Variants in GATD1 observed in about 807,000 individuals in gnomAD.
GATD1 encodes glutamine amidotransferase-like class 1 domain-containing protein 1.
In GATD1, 23 loss-of-function variants were observed where a neutral mutation model predicts 25.9. That is an observed-to-expected ratio of 0.89 (90% confidence interval 0.64 to 1.26). The LOEUF (loss-of-function observed/expected upper bound fraction) is 1.26, where lower values mean the gene tolerates loss of function less well. Ranked by LOEUF, GATD1 falls within the 50% of genes most tolerant of loss-of-function variation. GATD1 has a pLI of 0.00. For missense variants in GATD1, 347 were observed against 312.5 expected, an observed-to-expected ratio of 1.11 and a Z score of -0.83; for synonymous variants, 177 against 134.6, an observed-to-expected ratio of 1.31 and a Z score of -2.18.
At position 773,582 on chromosome 11, in the gene GATD1, T is replaced by C; in HGVS notation, c.295A>G (p.Thr99Ala). ...AGGGAGCCACTGCTGGCCAGGTCGG[T>C]CAGGGCCCCAGGACAGCTGGGGATC... ...LLIPSCPGAL[T>A]DLASSGSLAR... The change falls in exon 4 of 8, where the codon ACC (threonine) becomes GCC (alanine). Residue 99 changes from threonine (T) to alanine (A), a missense_variant. Thr to Ala is a moderately conservative substitution (Grantham distance 58). Transcript: ENST00000319863. 1 of 1,607,430 alleles carries C rather than the reference T, an allele frequency of 6.2e-7. No homozygotes were observed. The highest frequency in any genetic ancestry group is 8.5e-7 in the Non-Finnish European group (1 of 1,178,224).
chr11:773,145 G>C (rs993867960), intron 4 of GATD1, among the ~76,000 whole-genome samples: 1 of 152,202 alleles, frequency 6.6e-6, no homozygotes, highest in Non-Finnish European at 1.5e-5. Context: ...ACCCGGAGCC[G>C]GGGCAGCTGC....
In GATD1 at chr11:769,271, C is replaced by T. The variant is rs530842762; in HGVS notation, c.*1626G>A. On this transcript the variant is annotated 3_prime_UTR_variant, in exon 8 of 8. Transcript: ENST00000319863. ...CTTCAGGGCGGGGATGTGGCTGCAG[C>T]GCTTCCTTCTTCCACTTTTTTCCAA... is the stretch of plus-strand genomic sequence containing the variant. The T allele has an allele frequency of 2.8e-5, 28 of 985,348 alleles. No homozygotes were observed. The South Asian group carries it at 6.6e-4, about 23-fold the overall frequency. 61.0% of individuals were successfully genotyped at this position (985,348 alleles called of 1,614,324 possible).
At chr11:775,875 G>A in intron 1 of GATD1, among the ~76,000 whole-genome samples, 1 of 151,952 alleles carries the variant, frequency 6.6e-6, no homozygotes. Flanking sequence ...CTGCCTGCCG[G>A]AGAGCACTTA....
chr11:772,470 T>A lies in GATD1; in HGVS notation c.407A>T (p.Asn136Ile). 1 of 1,613,318 alleles carries A rather than the reference T, an allele frequency of 6.2e-7. No homozygotes were observed. Among genetic ancestry groups the A allele is most frequent in the Non-Finnish European group, 8.5e-7 (1 of 1,179,982 alleles). The part of the protein sequence containing the change: ...HGVAALCCAT[N>I]EDRSWVFDSY... ...GTCGAACACCCAGGATCTGTCCTCG[T>A]TGGTGGCACAGCACAGGGCGGCGAC... is the stretch of plus-strand genomic sequence containing the variant. The change falls in exon 5 of 8, where the codon AAC becomes ATC. Residue 136 changes from asparagine (N) to isoleucine (I), a missense_variant. Coordinates refer to ENST00000319863, the MANE Select transcript of GATD1 (RefSeq NM_182612.4).
chr11:774,830 CA>C (rs978038517), intron 2 of GATD1, among the ~76,000 whole-genome samples: 22 of 146,108 alleles, frequency 1.5e-4, no homozygotes, highest in South Asian at 2.1e-4. Flanking sequence ...AACTCCATCT[CA>C]AAAAAAAAAG....
chr11:775,745 T>C (rs895916437), intron 1 of GATD1, among the ~76,000 whole-genome samples: 2 of 152,040 alleles, frequency 1.3e-5, no homozygotes, highest in Non-Finnish European at 2.9e-5. Context: ...CCGCCAGCTC[T>C]TCCTAGCATC....
chr11:774,598 A>G (rs1283253030), intron 2 of GATD1, among the ~76,000 whole-genome samples: 1 of 152,254 alleles, frequency 6.6e-6, no homozygotes, highest in Non-Finnish European at 1.5e-5. Context: ...TGGGAGGCCG[A>G]GGCGGGTGGG....
At chr11:771,164 G>T in intron 6 of GATD1, 60 bp from the exon 7 acceptor site, 1 of 1,547,392 alleles carries the variant, frequency 6.5e-7, no homozygotes, top group South Asian at 1.2e-5. Context: ...TGAGAGCCTC[G>T]AACTCCAGGC....
In GATD1 at chr11:770,099, T is replaced by G; in HGVS notation, c.*798A>C. 1 of 1,216,852 alleles carries G rather than the reference T, an allele frequency of 8.2e-7. No individual in the cohort carries two copies. The highest frequency in any genetic ancestry group is 4.0e-5 in the South Asian group (1 of 24,722). 75.4% of individuals were successfully genotyped at this position (1,216,852 alleles called of 1,614,324 possible). A position where few individuals can be genotyped will look rare whatever the true frequency, so the allele number is the denominator to read the frequency against. ...TAAGCCTCTCCTGGACGCCCTAACC[T>G]GGGGCCAGGGGGCAGCCCGCTGGAG... On this transcript the variant is annotated 3_prime_UTR_variant, in exon 8 of 8. Coordinates refer to ENST00000319863, the MANE Select transcript of GATD1 (RefSeq NM_182612.4).
Position 769,697 on chromosome 11 carries a change from C to T in GATD1, c.*1200G>A, listed in dbSNP as rs768973297. On this transcript the variant is annotated 3_prime_UTR_variant, in exon 8 of 8. Coordinates refer to ENST00000319863, the MANE Select transcript of GATD1 (RefSeq NM_182612.4). Reference sequence around the variant, plus strand: ...CGATCTCAGCTCACTGCAAGCTCTGCCTCCCAGGTTCACGCCATTCTCCTG... The same window carrying T: ...CGATCTCAGCTCACTGCAAGCTCTGTCTCCCAGGTTCACGCCATTCTCCTG... 12 of 157,826 alleles carry T rather than the reference C, an allele frequency of 7.6e-5. No individual in the cohort carries two copies. The highest frequency in any genetic ancestry group is 1.5e-4 in the Non-Finnish European group (11 of 73,224). The allele number at this position is 157,826 out of a possible 1,614,324, so 9.8% of individuals were successfully genotyped here. A position where few individuals can be genotyped will look rare whatever the true frequency, so the allele number is the denominator to read the frequency against.
rs930087810 is a variant in GATD1, at chr11:769,818, A to G, written c.*1079T>C. 41 of 633,358 alleles carry G rather than the reference A, an allele frequency of 6.5e-5. No homozygotes were observed. The highest frequency in any genetic ancestry group is 7.7e-5 in the Non-Finnish European group (39 of 509,480). The allele number at this position is 633,358 out of a possible 1,614,324, so 39.2% of individuals were successfully genotyped here. A position where few individuals can be genotyped will look rare whatever the true frequency, so the allele number is the denominator to read the frequency against. ...TTTTTAGTAGAGATGGGGTTTCACC[A>G]TGTTAGCCAGGATGGTCTCGATCTC... is the stretch of plus-strand genomic sequence containing the variant. On this transcript the variant is annotated 3_prime_UTR_variant, in exon 8 of 8. Transcript: ENST00000319863.
Position 771,012 on chromosome 11 carries a change from G to A in GATD1, c.637C>T (p.Leu213Phe). Residue 213 changes from leucine (L) to phenylalanine (F), a missense_variant, in exon 7 of 8, where the codon CTC (leucine) becomes TTC (phenylalanine). Coordinates refer to ENST00000319863, the MANE Select transcript of GATD1 (RefSeq NM_182612.4). ...CCTCACCGGCTGCCACAGAGGAAGA[G>A]CAGGTTCTGCACGGCCGGGACAGTG... ...SSTVPAVQNL[L>F]FLCGSRK The A allele has an allele frequency of 1.2e-6, 2 of 1,613,422 alleles. No homozygotes were observed. The highest frequency in any genetic ancestry group is 1.1e-5 in the South Asian group (1 of 91,084).
intron 1 of GATD1, among the ~76,000 whole-genome samples, chr11:776,463 C>T (rs1475488095): frequency 1.3e-5 from 2 of 152,138 alleles, no homozygotes; most frequent in African/African-American, 2.4e-5. Flanking sequence ...GCCGGACCTC[C>T]TCACGCCTAC....
At chr11:771,641 A>G (rs1277975231) in intron 5 of GATD1, among the ~76,000 whole-genome samples, 1 of 152,182 alleles carries the variant, frequency 6.6e-6, no homozygotes, top group Admixed American at 6.5e-5. Flanking sequence ...CGACACGGCC[A>G]CTACAGGAGG....
At chr11:775,187 C>T (rs768192219) in intron 1 of GATD1, 45 bp from the exon 2 acceptor site, 12 of 1,527,964 alleles carry the variant, frequency 7.9e-6, no homozygotes, top group African/African-American at 5.5e-5. Flanking sequence ...GACTAGCGTG[C>T]CCCGCCTCAG....
At position 777,444 on chromosome 11, in the gene GATD1, G is replaced by C. The variant is rs949713684; in HGVS notation, c.19C>G (p.Pro7Ala). Residue 7 changes from proline to alanine, a missense_variant, in exon 1 of 8, where the codon CCT becomes GCT. Physicochemically the swap from Pro to Ala is conservative, Grantham distance 27. Coordinates refer to ENST00000319863, the MANE Select transcript of GATD1 (RefSeq NM_182612.4). ...ACGAGCAGACAGGCGGGCCTGTTAG[G>C]GAGCCGCTCGGACGCCATGGCTCGG... MASERL[P>A]NRPACLLVAS... 4.0e-6 allele frequency: 5 copies of C among 1,255,634 alleles called. No individual in the cohort carries two copies. Among genetic ancestry groups the C allele is most frequent in the Non-Finnish European group, 5.0e-6 (5 of 1,000,024 alleles). 77.8% of individuals were successfully genotyped at this position (1,255,634 alleles called of 1,614,324 possible). A position where few individuals can be genotyped will look rare whatever the true frequency, so the allele number is the denominator to read the frequency against.
intron 1 of GATD1, chr11:777,108 G>A (rs1189943969): frequency 7.7e-6 from 2 of 258,758 alleles, no homozygotes; most frequent in Admixed American, 5.5e-5. Flanking sequence ...CCGCCTCGCC[G>A]GGCAGACGAG....
rs766409606 is a variant in GATD1, at chr11:774,107, C to T, written c.148G>A (p.Ala50Thr). The T allele has an allele frequency of 6.2e-7, 1 of 1,613,150 alleles. No homozygotes were observed. The highest frequency in any genetic ancestry group is 8.5e-7 in the Non-Finnish European group (1 of 1,179,750). The part of the protein sequence containing the change: ...NLQVATPGGK[A>T]MEFVDVTESN... ...TCAGTCACATCCACAAATTCCATGG[C>T]TTTCCCCTGGAGAAGCAGAGCCCAG... Residue 50 changes from alanine (A) to threonine (T), a missense_variant, in exon 3 of 8, where the codon GCC (alanine) becomes ACC (threonine). Coordinates refer to ENST00000319863, the MANE Select transcript of GATD1 (RefSeq NM_182612.4).
At chr11:773,434 T>C in intron 4 of GATD1, 88 bp downstream of exon 4, 1 of 1,106,378 alleles carries the variant, frequency 9.0e-7, no homozygotes, top group East Asian at 2.6e-5. Context: ...CTACCTGGAG[T>C]CTTCCCACCT....
Sources: allele counts gnomAD v4.1 joint callset (sites outside exome capture counted in the v4.1 genomes callset), GRCh38; gene constraint gnomAD v4.1.1; transcripts MANE v1.5; gene names NCBI Gene and HGNC (gene_info 2026-07-23, HGNC 2026-07-21).